Variants in MAP2 observed in about 807,000 individuals in gnomAD.
MAP2 encodes the protein microtubule associated protein 2, also known as microtubule-associated protein 2.
In MAP2, 14 loss-of-function variants were observed where a neutral mutation model predicts 137.6. The ratio of observed to expected loss-of-function variants is 0.10; its 90% CI spans 0.07 to 0.16. The LOEUF (loss-of-function observed/expected upper bound fraction) is 0.16. MAP2 is among the 10% of genes least tolerant of loss of function. MAP2 has a pLI of 1.00. For missense variants in MAP2, 2,088 were observed against 2,191.5 expected (o/e 0.95, Z 0.94); for synonymous variants, 786 against 782.3 (o/e 1.00, Z -0.08).
intron 1 of MAP2, among the ~76,000 whole-genome samples, chr2:209,488,781 G>A (rs193002482): frequency 6.8e-4 from 103 of 152,276 alleles, no homozygotes; most frequent in African/African-American, 2.3e-3. Context: ...AAAGGCAGCA[G>A]CCCCAGTCAG....
intron 5 of MAP2, among the ~76,000 whole-genome samples, chr2:209,660,643 C>T (rs1488106665): frequency 2.7e-5 from 4 of 149,014 alleles, no homozygotes; most frequent in Admixed American, 1.3e-4. Context: ...GATCCGCCTG[C>T]CTCTGCCTCC....
At chr2:209,629,623 T>G (rs1188331267) in intron 4 of MAP2, among the ~76,000 whole-genome samples, 2 of 152,198 alleles carry the variant, frequency 1.3e-5, no homozygotes, top group African/African-American at 2.4e-5. Context: ...TAAATTCTAT[T>G]GGTAAATTAG....
intron 1 of MAP2, among the ~76,000 whole-genome samples, chr2:209,428,923 T>TTTTATTTTATTTATTTA (rs1553535314): frequency 6.8e-6 from 1 of 146,346 alleles, no homozygotes; most frequent in South Asian, 2.2e-4. Context: ...CTTTATTTTA[T>TTTTATTTTATTTATTTA]TTTATTTATT....
rs535428389 is a variant in MAP2 at position 209,454,705 on chromosome 2, C to T, written c.-222+30429C>T. The stretch of plus-strand genomic sequence containing the variant: ...AAAGAGTCTTTTAAAATATAGAATA[C>T]ATAATCATATGTAGTTGCATTATTA... On this transcript the variant is annotated intron_variant, in intron 1 of 15. Coordinates refer to ENST00000682079, the MANE Select transcript of MAP2 (RefSeq NM_001375505.1). 4.9e-4 allele frequency among the ~76,000 whole-genome samples: 74 copies of T among 152,228 alleles called. No individual in the cohort carries two copies. The South Asian group carries it at 0.011, about 23-fold the overall frequency.
chr2:209,717,833 T>C (rs1310420589), intron 13 of MAP2, among the ~76,000 whole-genome samples: 1 of 152,192 alleles, frequency 6.6e-6, no homozygotes, highest in Non-Finnish European at 1.5e-5. Flanking sequence ...TTTTGTTTTT[T>C]GTTTTGTTTC....
At chr2:209,692,116 G>T (rs1175460641) in intron 7 of MAP2, among the ~76,000 whole-genome samples, 6 of 151,964 alleles carry the variant, frequency 3.9e-5, no homozygotes, top group Admixed American at 3.9e-4. Context: ...GCATTACTTG[G>T]CCCTCTGCCC....
In MAP2 at chr2:209,536,530, G is replaced by T. The variant is rs947514924; in HGVS notation, c.-172+28889G>T. ...CTTGGAACTGCCCTCCACACACCAC[G>T]CAACTCTTTGTCAGTCAAGTGAGAG... On this transcript the variant is annotated intron_variant, in intron 2 of 15. Transcript: ENST00000682079. Among the ~76,000 whole-genome samples, 4 of 152,098 alleles carry T rather than the reference G, an allele frequency of 2.6e-5. No homozygotes were observed. The East Asian group carries it at 5.8e-4, about 22-fold the overall frequency.
At chr2:209,666,001 C>T (rs1461498779) in intron 5 of MAP2, among the ~76,000 whole-genome samples, 1 of 152,030 alleles carries the variant, frequency 6.6e-6, no homozygotes, top group Non-Finnish European at 1.5e-5. Flanking sequence ...CTTTTATAAC[C>T]ACTTTTAAAA....
chr2:209,536,764 A>G (rs1248805042), intron 2 of MAP2, among the ~76,000 whole-genome samples: 1 of 152,194 alleles, frequency 6.6e-6, no homozygotes, highest in Admixed American at 6.5e-5. Context: ...ATTTTAAAAT[A>G]TGATAGTATT....
Position 209,511,747 on chromosome 2 carries a change from T to C in MAP2, c.-172+4106T>C, listed in dbSNP as rs183616623. The stretch of plus-strand genomic sequence containing the variant: ...CCACCATTCCTGGCTATATTTTTTA[T>C]TTTTTGTAGAGACTGAGTCTCGCTT... On this transcript the variant is annotated intron_variant, in intron 2 of 15. Transcript: ENST00000682079. Among the ~76,000 whole-genome samples, 102 of 152,086 alleles carry C rather than the reference T, an allele frequency of 6.7e-4. No homozygotes were observed. The East Asian group carries it at 0.019, about 28-fold the overall frequency.
At chr2:209,616,659 G>T (rs561922832) in intron 3 of MAP2, among the ~76,000 whole-genome samples, 131 of 151,982 alleles carry the variant, frequency 8.6e-4, no homozygotes, top group African/African-American at 2.4e-3. Flanking sequence ...ACAAGTATTT[G>T]CTACCAAACA....
intron 10 of MAP2, among the ~76,000 whole-genome samples, chr2:209,699,188 C>T (rs2061081009): frequency 6.6e-6 from 1 of 152,126 alleles, no homozygotes; most frequent in African/African-American, 2.4e-5. Flanking sequence ...GTTTTCACTG[C>T]TTCCTTAAAA....
intron 1 of MAP2, among the ~76,000 whole-genome samples, chr2:209,428,015 G>A (rs1020690551): frequency 7.9e-5 from 12 of 152,232 alleles, no homozygotes; most frequent in Middle Eastern, 3.4e-3. Context: ...TCATGTCTTT[G>A]AACTAAGGCC....
At chr2:209,666,862 A>C (rs2046549570) in intron 5 of MAP2, among the ~76,000 whole-genome samples, 1 of 151,956 alleles carries the variant, frequency 6.6e-6, no homozygotes, top group South Asian at 2.1e-4. Context: ...TTTAAAGTAA[A>C]TTTTATAATA....
intron 1 of MAP2, among the ~76,000 whole-genome samples, chr2:209,501,434 G>A (rs900950296): frequency 1.3e-5 from 2 of 152,128 alleles, no homozygotes; most frequent in Non-Finnish European, 2.9e-5. Context: ...GAGGCATGAA[G>A]TCATTTCTCA....
At chr2:209,619,444 G>A (rs752200512) in intron 3 of MAP2, among the ~76,000 whole-genome samples, 2 of 151,912 alleles carry the variant, frequency 1.3e-5, no homozygotes, top group Non-Finnish European at 2.9e-5. Flanking sequence ...TTGGTGTTTT[G>A]TATGCAACTT....
At chr2:209,549,418 C>T (rs1413609035) in intron 2 of MAP2, among the ~76,000 whole-genome samples, 2 of 152,128 alleles carry the variant, frequency 1.3e-5, no homozygotes, top group African/African-American at 4.8e-5. Flanking sequence ...ACTGTACTCC[C>T]TCCATTAATC....
intron 3 of MAP2, among the ~76,000 whole-genome samples, chr2:209,592,442 C>T (rs2079524044): frequency 6.6e-6 from 1 of 152,100 alleles, no homozygotes; most frequent in Admixed American, 6.6e-5. Context: ...TTTGGTTTGA[C>T]TGGAGCTCCT....
chr2:209,613,337 T>C (rs976219576), intron 3 of MAP2, among the ~76,000 whole-genome samples: 2 of 152,150 alleles, frequency 1.3e-5, no homozygotes, highest in African/African-American at 4.8e-5. Flanking sequence ...GCTCTCTGTT[T>C]GGAATTAACA....
Sources: gnomAD v4.1 joint callset for allele counts (sites outside exome capture counted in the v4.1 genomes callset) on GRCh38, gnomAD v4.1.1 for gene constraint, MANE v1.5 for transcripts, NCBI Gene and HGNC (gene_info 2026-07-23, HGNC 2026-07-21) for gene names.